Variants in SLC10A7 observed in about 807,000 individuals in gnomAD.
SLC10A7 encodes solute carrier family 10 member 7, also known as sodium/bile acid cotransporter 7.
A neutral mutation model predicts 43.2 loss-of-function variants in SLC10A7; 29 were observed. The observed-to-expected ratio is 0.67, with a 90% CI of 0.50 to 0.92. The LOEUF is 0.92. Ranked by LOEUF, SLC10A7 falls within the 40% of genes least tolerant of loss-of-function variation. SLC10A7 has a pLI of 0.00. For synonymous variants in SLC10A7, 152 were observed against 144.8 expected, an observed-to-expected ratio of 1.05 and a Z score of -0.35; for missense variants, 295 against 403.2, an observed-to-expected ratio of 0.73 and a Z score of 2.30.
intron 9 of SLC10A7, among the ~76,000 whole-genome samples, chr4:146,289,596 G>T (rs115316174): frequency 6.6e-6 from 1 of 151,422 alleles, no homozygotes; most frequent in African/African-American, 2.4e-5. Flanking sequence ...TCATTGGATA[G>T]CTGACTCTTG....
At chr4:146,287,223 C>CGTCTTT in intron 9 of SLC10A7, among the ~76,000 whole-genome samples, 1 of 151,344 alleles carries the variant, frequency 6.6e-6, no homozygotes, top group East Asian at 2.0e-4. Context: ...TGAGAAGGAC[C>CGTCTTT]GTCTTTGGAG....
At chr4:146,454,871 GA>G in intron 4 of SLC10A7, among the ~76,000 whole-genome samples, 1 of 151,822 alleles carries the variant, frequency 6.6e-6, no homozygotes, top group East Asian at 1.9e-4. Context: ...CACTTAAATT[GA>G]AAATACTATT....
intron 5 of SLC10A7, among the ~76,000 whole-genome samples, chr4:146,356,612 ACTT>A (rs1450147409): frequency 3.3e-5 from 5 of 151,558 alleles, no homozygotes; most frequent in East Asian, 1.9e-4. Context: ...TCTCTCCTCT[ACTT>A]CTTCTTGCTG....
Position 146,350,034 on chromosome 4 carries a change from A to T in SLC10A7, c.436-24038T>A, listed in dbSNP as rs537066764. ...TATATATATAGGGGGAGGAGCCAAG[A>T]TGGCCGAATAGGAACAGCTCCCGTC... On this transcript the variant is annotated intron_variant, in intron 5 of 11. Transcript: ENST00000335472. 4.6e-5 allele frequency among the ~76,000 whole-genome samples: 7 copies of T among 152,252 alleles called. No individual in the cohort carries two copies. In the East Asian group the frequency reaches 1.2e-3, roughly 25 times the overall value.
intron 6 of SLC10A7, among the ~76,000 whole-genome samples, chr4:146,315,126 A>G (rs1043817965): frequency 2.6e-5 from 4 of 152,102 alleles, no homozygotes; most frequent in African/African-American, 4.8e-5. Flanking sequence ...GAGACTGCAC[A>G]ACTTGTAGAG....
Position 146,258,770 on chromosome 4 carries a change from G to A in SLC10A7, c.915C>T (p.Leu305=). 1.2e-6 allele frequency: 2 copies of A among 1,611,056 alleles called. No homozygotes were observed. The highest frequency in any genetic ancestry group is 1.7e-6 in the Non-Finnish European group (2 of 1,179,380). Residue 305 remains leucine, a synonymous_variant, in exon 11 of 12, where the codon CTC becomes CTT. Coordinates refer to ENST00000335472, the MANE Select transcript of SLC10A7 (RefSeq NM_001029998.6). The part of the protein sequence containing the change: ...EHLSLISVPL[L]IYHPAQILLG... ...GAAGGATCTGAGCTGGGTGGTAGATGAGCAAGGGTACAGATATTAAAGAGA... is the reference window on the plus strand; with the variant it reads ...GAAGGATCTGAGCTGGGTGGTAGATAAGCAAGGGTACAGATATTAAAGAGA...
In SLC10A7 at chr4:146,442,844, A is replaced by G. The variant is rs766949708; in HGVS notation, c.397-23T>C. The G allele has an allele frequency of 2.4e-5, 35 of 1,464,604 alleles. No homozygotes were observed. In the African/African-American group the frequency reaches 3.8e-4, roughly 16 times the overall value. 90.7% of individuals were successfully genotyped at this position (1,464,604 alleles called of 1,614,324 possible). On this transcript the variant is annotated intron_variant, in intron 4 of 11. Transcript: ENST00000335472. The stretch of plus-strand genomic sequence containing the variant: ...TGCCTATGAAGAAAATAAATAGGGG[A>G]AAAAAACTCATTGAAAGTAAATAAG...
At position 146,404,209 on chromosome 4, in the gene SLC10A7, G is replaced by A. The variant is rs141712816; in HGVS notation, c.435+38574C>T. 4.4e-3 allele frequency among the ~76,000 whole-genome samples: 672 copies of A among 152,010 alleles called. 9 individuals are homozygous for A. The highest frequency in any genetic ancestry group is 0.038 in the Admixed American group (586 of 15,248). On this transcript the variant is annotated intron_variant, in intron 5 of 11. Coordinates refer to ENST00000335472, the MANE Select transcript of SLC10A7 (RefSeq NM_001029998.6). ...TTGTTTTTAATTTTTTTGTAAAGAC[G>A]GGGTCTCCCTGGGTTTCCTAGGCTG...
At chr4:146,445,748 G>T (rs2149898215) in intron 4 of SLC10A7, among the ~76,000 whole-genome samples, 1 of 152,214 alleles carries the variant, frequency 6.6e-6, no homozygotes, top group East Asian at 1.9e-4. Context: ...GGGAAAGGGA[G>T]CTGGAAACGG....
chr4:146,367,725 T>G (rs1204826296), intron 5 of SLC10A7, among the ~76,000 whole-genome samples: 1 of 152,202 alleles, frequency 6.6e-6, no homozygotes, highest in Non-Finnish European at 1.5e-5. Flanking sequence ...ACTTAAGAAC[T>G]CATTGCTTTA....
At chr4:146,495,401 C>A (rs75996016) in intron 4 of SLC10A7, among the ~76,000 whole-genome samples, 122 of 152,260 alleles carry the variant, frequency 8.0e-4, no homozygotes, top group Middle Eastern at 3.4e-3. Flanking sequence ...ATAAATGTTT[C>A]AATGAATCTT....
intron 5 of SLC10A7, among the ~76,000 whole-genome samples, chr4:146,338,675 A>G (rs906680986): frequency 1.1e-4 from 17 of 151,968 alleles, no homozygotes; most frequent in African/African-American, 4.1e-4. Flanking sequence ...GTAGCATTTT[A>G]GTGTCTCAAA....
chr4:146,283,969 C>T (rs1277850674), intron 9 of SLC10A7, among the ~76,000 whole-genome samples: 1 of 151,138 alleles, frequency 6.6e-6, no homozygotes, highest in Non-Finnish European at 1.5e-5. Context: ...TTGTTATATA[C>T]TATGTTAAAC....
intron 5 of SLC10A7, among the ~76,000 whole-genome samples, chr4:146,399,412 A>C (rs1174898752): frequency 6.6e-6 from 1 of 152,186 alleles, no homozygotes; most frequent in Non-Finnish European, 1.5e-5. Flanking sequence ...GAGTATGGGA[A>C]TACAATGTAA....
At position 146,255,332 on chromosome 4, in the gene SLC10A7, T is replaced by G. The variant is rs531193003; in HGVS notation, c.*1159A>C. 2.6e-5 allele frequency: 4 copies of G among 152,798 alleles called. No individual in the cohort carries two copies. In the South Asian group the frequency reaches 8.3e-4, roughly 32 times the overall value. The allele number at this position is 152,798 out of a possible 1,614,324, so 9.5% of individuals were successfully genotyped here. ...AACTAATTTTACTTGATATTTTGGTTATTAAATGGTTTTGCATGTTCTTTT... is the reference window on the plus strand; with the variant it reads ...AACTAATTTTACTTGATATTTTGGTGATTAAATGGTTTTGCATGTTCTTTT... On this transcript the variant is annotated 3_prime_UTR_variant, in exon 12 of 12. Transcript: ENST00000335472.
intron 5 of SLC10A7, among the ~76,000 whole-genome samples, chr4:146,415,872 A>G (rs1728524478): frequency 6.6e-6 from 1 of 152,186 alleles, no homozygotes; most frequent in Admixed American, 6.5e-5. Flanking sequence ...AATATCATAG[A>G]TTGCGAATTA....
At chr4:146,405,536 C>T (rs983161563) in intron 5 of SLC10A7, among the ~76,000 whole-genome samples, 7 of 152,054 alleles carry the variant, frequency 4.6e-5, no homozygotes, top group African/African-American at 1.7e-4. Context: ...CAGCTTCATC[C>T]ATGAAGAAAA....
intron 5 of SLC10A7, among the ~76,000 whole-genome samples, chr4:146,408,142 G>A (rs1174025998): frequency 3.3e-5 from 5 of 152,160 alleles, no homozygotes; most frequent in Admixed American, 3.3e-4. Flanking sequence ...GAAATAACAG[G>A]ATAGCATATC....
chr4:146,349,065 G>A (rs554696241), intron 5 of SLC10A7, among the ~76,000 whole-genome samples: 11 of 152,238 alleles, frequency 7.2e-5, no homozygotes, highest in African/African-American at 2.4e-4. Flanking sequence ...CCCAATGAAT[G>A]CTGAAATATG....
Sources: allele counts gnomAD v4.1 joint callset (sites outside exome capture counted in the v4.1 genomes callset), GRCh38; gene constraint gnomAD v4.1.1; transcripts MANE v1.5; gene names NCBI Gene and HGNC (gene_info 2026-07-23, HGNC 2026-07-21).